The following ESR1 variants were observed in gnomAD, a reference collection of about 807,000 sequenced individuals.
ESR1 encodes estrogen receptor 1, also known as estrogen receptor.
In ESR1, 12 loss-of-function variants were observed where a neutral mutation model predicts 52.7. That is an observed-to-expected ratio of 0.23 (90% confidence interval 0.15 to 0.37). The LOEUF is 0.37. Ranked by LOEUF, ESR1 falls within the 10% of genes least tolerant of loss-of-function variation. The probability of loss-of-function intolerance (pLI) is 1.00; values close to 1 mark genes in which losing one functional copy is unlikely to be tolerated. For missense variants in ESR1, 584 were observed against 779.7 expected (o/e 0.75, Z 2.99); for synonymous variants, 305 against 316.8 (o/e 0.96, Z 0.39).
intron 6 of ESR1, among the ~76,000 whole-genome samples, chr6:152,085,956 A>C (rs1460199674): frequency 5.3e-5 from 8 of 152,218 alleles, no homozygotes; most frequent in African/African-American, 1.4e-4. Flanking sequence ...CCTGCTCTGC[A>C]TTGTGGCTTA....
intron 4 of ESR1, among the ~76,000 whole-genome samples, chr6:151,964,308 G>T (rs1342035467): frequency 2.0e-5 from 3 of 152,030 alleles, no homozygotes; most frequent in African/African-American, 4.8e-5. Context: ...CCATGAAGAG[G>T]TATACTTTTT....
chr6:151,666,832 T>C (rs1326975902), intron 1 of ESR1, among the ~76,000 whole-genome samples: 2 of 151,896 alleles, frequency 1.3e-5, no homozygotes, highest in East Asian at 1.9e-4. Context: ...CTGTTTTTAC[T>C]CTCAGTGCAC....
upstream of ESR1, among the ~76,000 whole-genome samples, chr6:151,806,435 A>G (rs1777843250): frequency 1.3e-5 from 2 of 151,386 alleles, no homozygotes; most frequent in Admixed American, 6.6e-5. Flanking sequence ...ATCAGAGTCT[A>G]TTAGGCTGCA....
At chr6:151,835,077 G>A (rs1167252106) in intron 1 of ESR1, among the ~76,000 whole-genome samples, 1 of 152,144 alleles carries the variant, frequency 6.6e-6, no homozygotes, top group Non-Finnish European at 1.5e-5. Flanking sequence ...TGCAGTTTAA[G>A]CTGAGAATGG....
At chr6:151,787,941 C>A (rs2128128588) in intron 2 of ESR1, among the ~76,000 whole-genome samples, 1 of 152,174 alleles carries the variant, frequency 6.6e-6, no homozygotes, top group Middle Eastern at 3.4e-3. Context: ...CTTCCTTACA[C>A]CATATATAAA....
chr6:151,885,031 G>A (rs939957342), intron 3 of ESR1, among the ~76,000 whole-genome samples: 6 of 151,758 alleles, frequency 4.0e-5, no homozygotes, highest in Admixed American at 1.3e-4. Flanking sequence ...GCGGGGGTGG[G>A]GGGTCTCTGT....
At chr6:152,087,329 T>C (rs1246474194) in intron 6 of ESR1, among the ~76,000 whole-genome samples, 2 of 152,162 alleles carry the variant, frequency 1.3e-5, no homozygotes, top group African/African-American at 4.8e-5. Context: ...AAAGGAGGTA[T>C]ACAAAACATT....
intron 3 of ESR1, among the ~76,000 whole-genome samples, chr6:151,938,947 TC>T (rs948680848): frequency 2.0e-5 from 3 of 152,214 alleles, no homozygotes; most frequent in African/African-American, 7.2e-5. Context: ...GAAAAATTCT[TC>T]AATAATTGTT....
At chr6:151,760,742 T>G (rs1784602283) in intron 2 of ESR1, among the ~76,000 whole-genome samples, 1 of 152,214 alleles carries the variant, frequency 6.6e-6, no homozygotes, top group African/African-American at 2.4e-5. Flanking sequence ...GCACTGCACA[T>G]ACTTATCCCA....
rs141433282 is a variant in ESR1, at chr6:152,027,254, C to A, written c.1235+15460C>A. ...TGCTGGGATTACAGGTGTAAGCCACCGCACCCAGCCTCTCATCTTATTTTT... is the reference window on the plus strand; with the variant it reads ...TGCTGGGATTACAGGTGTAAGCCACAGCACCCAGCCTCTCATCTTATTTTT... On this transcript the variant is annotated intron_variant, in intron 5 of 7. Coordinates refer to ENST00000206249, the MANE Select transcript of ESR1 (RefSeq NM_000125.4). Among the ~76,000 whole-genome samples the A allele has an allele frequency of 2.7e-3, 405 of 152,212 alleles. 3 individuals are homozygous for A. Among genetic ancestry groups the A allele is most frequent in the African/African-American group, 9.2e-3 (384 of 41,534 alleles).
At chr6:151,863,914 G>A (rs531283467) in intron 2 of ESR1, among the ~76,000 whole-genome samples, 1 of 152,250 alleles carries the variant, frequency 6.6e-6, no homozygotes, top group East Asian at 1.9e-4. Context: ...ATTAATTCAA[G>A]ATGGATTAAA....
chr6:151,669,169 AGAGAGAGAGAG>A (rs1777947174), intron 1 of ESR1, among the ~76,000 whole-genome samples: 1 of 126,394 alleles, frequency 7.9e-6, no homozygotes, highest in African/African-American at 2.8e-5. Context: ...AGAGAGAGAG[AGAGAGAGAGAG>A]AGAGAGAGAT....
intron 6 of ESR1, among the ~76,000 whole-genome samples, chr6:152,068,864 A>G (rs3020376): frequency 0.39 from 42,454 of 110,150 alleles, 11,839 homozygotes; most frequent in African/African-American, 0.69. Context: ...CACTGCCTGC[A>G]TAAAAATGAG....
At chr6:152,060,433 C>T (rs2047456238) in intron 5 of ESR1, among the ~76,000 whole-genome samples, 1 of 152,110 alleles carries the variant, frequency 6.6e-6, no homozygotes, top group South Asian at 2.1e-4. Flanking sequence ...AGCGTCCACT[C>T]GAATGCCACC....
intron 4 of ESR1, among the ~76,000 whole-genome samples, chr6:151,956,399 T>C (rs1307809857): frequency 2.6e-5 from 4 of 152,240 alleles, no homozygotes; most frequent in African/African-American, 9.6e-5. Context: ...AATACTGTTA[T>C]TACTCTCTGC....
At chr6:151,905,628 T>C (rs1172996470) in intron 3 of ESR1, among the ~76,000 whole-genome samples, 1 of 152,180 alleles carries the variant, frequency 6.6e-6, no homozygotes, top group African/African-American at 2.4e-5. Flanking sequence ...ATATAATCTA[T>C]TTTTTGATTA....
chr6:151,708,394 A>T (rs1171578667), intron 2 of ESR1, among the ~76,000 whole-genome samples: 1 of 152,180 alleles, frequency 6.6e-6, no homozygotes, highest in Non-Finnish European at 1.5e-5. Flanking sequence ...TCTTAGATAT[A>T]TATTCTTAGT....
In ESR1 at chr6:152,101,172, C is replaced by T; in HGVS notation, c.*2206C>T. 4.3e-6 allele frequency: 1 copy of T among 231,122 alleles called. No homozygotes were observed. Among genetic ancestry groups the T allele is most frequent in the Admixed American group, 5.7e-5 (1 of 17,696 alleles). 14.3% of individuals were successfully genotyped at this position (231,122 alleles called of 1,614,324 possible). ...TTTGTATCCACAGTAGACAAAATAG[C>T]ACTAATCCAGATGCCTATTGTTGGA... On this transcript the variant is annotated 3_prime_UTR_variant, in exon 8 of 8. Coordinates refer to ENST00000206249, the MANE Select transcript of ESR1 (RefSeq NM_000125.4).
At chr6:151,967,608 A>C (rs1252337343) in intron 4 of ESR1, among the ~76,000 whole-genome samples, 1 of 152,154 alleles carries the variant, frequency 6.6e-6, no homozygotes, top group Non-Finnish European at 1.5e-5. Context: ...GGTTGGTTCC[A>C]AGTCTTTGCT....
Sources: allele counts gnomAD v4.1 joint callset (sites outside exome capture counted in the v4.1 genomes callset), GRCh38; gene constraint gnomAD v4.1.1; transcripts MANE v1.5; gene names NCBI Gene and HGNC (gene_info 2026-07-23, HGNC 2026-07-21).